The following CDYL2 variants were observed in gnomAD, a reference collection of about 807,000 sequenced individuals.
CDYL2 encodes chromodomain Y-like protein 2.
CDYL2 carries 23 observed loss-of-function variants against 49.4 expected under a neutral mutation model. The observed-to-expected ratio is 0.47, with a 90% confidence interval of 0.34 to 0.66. The LOEUF (loss-of-function observed/expected upper bound fraction) is 0.66, where lower values mean the gene tolerates loss of function less well. CDYL2 is among the 30% of genes least tolerant of loss of function. The probability of loss-of-function intolerance (pLI) is 0.01; values close to 1 mark genes in which losing one functional copy is unlikely to be tolerated. For missense variants in CDYL2, 678 were observed against 656.4 expected (o/e 1.03, Z -0.36); for synonymous variants, 360 against 268.8 (o/e 1.34, Z -3.32).
intron 2 of CDYL2, among the ~76,000 whole-genome samples, chr16:80,673,373 C>T (rs1909611841): frequency 6.6e-6 from 1 of 152,094 alleles, no homozygotes; most frequent in African/African-American, 2.4e-5. Flanking sequence ...TTTAAGTCAA[C>T]TTCAACACTT....
At chr16:80,708,788 C>G (rs1033053039) in intron 1 of CDYL2, among the ~76,000 whole-genome samples, 3 of 151,918 alleles carry the variant, frequency 2.0e-5, no homozygotes, top group African/African-American at 7.3e-5. Context: ...GTACTAGAAG[C>G]TTATTGTGTA....
chr16:80,620,904 T>C lies in CDYL2; in HGVS notation c.866A>G (p.Asn289Ser). ...CAGTTTGCTGTCGTCTGTGGCTGCG[T>C]TGCAGAGCGCTCGCCGGACTTCTTT... is the stretch of plus-strand genomic sequence containing the variant. ...IMKEVRRALCNAATDDSKLLL... is the reference protein window; with the variant it reads ...IMKEVRRALCSAATDDSKLLL... The change falls in exon 4 of 7, where the codon AAC becomes AGC. Residue 289 changes from asparagine (N) to serine (S), a missense_variant. Transcript: ENST00000570137. 1 of 1,608,930 alleles carries C rather than the reference T, an allele frequency of 6.2e-7. No individual in the cohort carries two copies. The highest frequency in any genetic ancestry group is 1.1e-5 in the South Asian group (1 of 90,648).
intron 1 of CDYL2, among the ~76,000 whole-genome samples, chr16:80,761,269 C>A (rs2142383319): frequency 6.6e-6 from 1 of 152,290 alleles, no homozygotes; most frequent in Non-Finnish European, 1.5e-5. Context: ...TACCAGGCAG[C>A]CATCTGGGTT....
chr16:80,733,321 G>T (rs935698605), intron 1 of CDYL2, among the ~76,000 whole-genome samples: 1 of 152,208 alleles, frequency 6.6e-6, no homozygotes, highest in Admixed American at 6.5e-5. Flanking sequence ...GGAGCGGTCA[G>T]GGATGGAATG....
At chr16:80,721,371 G>A (rs1597098445) in intron 1 of CDYL2, among the ~76,000 whole-genome samples, 4 of 152,094 alleles carry the variant, frequency 2.6e-5, no homozygotes, top group Non-Finnish European at 5.9e-5. Flanking sequence ...CACACGCTGG[G>A]GCCTGGATTC....
At chr16:80,799,014 TATATATAGATATATATAG>T (rs1907848232) in intron 1 of CDYL2, among the ~76,000 whole-genome samples, 1 of 151,674 alleles carries the variant, frequency 6.6e-6, no homozygotes, top group Admixed American at 6.6e-5. Flanking sequence ...CTACATTATC[TATATATAGATATATATAG>T]ATATATAGAT....
intron 1 of CDYL2, among the ~76,000 whole-genome samples, chr16:80,687,861 T>C (rs1910261421): frequency 1.3e-5 from 2 of 152,168 alleles, no homozygotes; most frequent in South Asian, 2.1e-4. Flanking sequence ...ACTATGTACG[T>C]TTGCATTCCA....
At chr16:80,745,607 G>A (rs1179705504) in intron 1 of CDYL2, among the ~76,000 whole-genome samples, 2 of 152,194 alleles carry the variant, frequency 1.3e-5, no homozygotes, top group South Asian at 2.1e-4. Flanking sequence ...AACACAGTGA[G>A]TAAACGTCAG....
chr16:80,607,501 G>T (rs1311517177), intron 6 of CDYL2, among the ~76,000 whole-genome samples: 1 of 152,210 alleles, frequency 6.6e-6, no homozygotes, highest in African/African-American at 2.4e-5. Flanking sequence ...CGCAGGAGTG[G>T]CCTTGTCTCC....
intron 1 of CDYL2, among the ~76,000 whole-genome samples, chr16:80,694,605 T>G (rs141802072): frequency 2.0e-5 from 3 of 152,310 alleles, no homozygotes; most frequent in African/African-American, 7.2e-5. Flanking sequence ...TTTACACATA[T>G]AAACATGGAA....
At chr16:80,620,113 C>G (rs769386567) in intron 4 of CDYL2, among the ~76,000 whole-genome samples, 3 of 152,206 alleles carry the variant, frequency 2.0e-5, no homozygotes, top group African/African-American at 7.2e-5. Flanking sequence ...GCTAAACAGC[C>G]GTAGTGTCTA....
intron 1 of CDYL2, among the ~76,000 whole-genome samples, chr16:80,703,748 T>C (rs1904320326): frequency 6.6e-6 from 1 of 152,064 alleles, no homozygotes; most frequent in Admixed American, 6.5e-5. Context: ...CTCCCCTAAG[T>C]CCTGCTGGTT....
intron 1 of CDYL2, among the ~76,000 whole-genome samples, chr16:80,759,051 G>C (rs1028901265): frequency 7.4e-6 from 1 of 135,004 alleles, no homozygotes; most frequent in Non-Finnish European, 1.5e-5. Flanking sequence ...TAAGACATAT[G>C]ACCCCATATG....
chr16:80,723,870 A>G (rs1905081065), intron 1 of CDYL2, among the ~76,000 whole-genome samples: 1 of 151,658 alleles, frequency 6.6e-6, no homozygotes, highest in Admixed American at 6.6e-5. Flanking sequence ...GAGAAAGAGG[A>G]GGAAGAGGAA....
At chr16:80,632,265 A>G (rs902608754) in intron 3 of CDYL2, among the ~76,000 whole-genome samples, 3 of 152,238 alleles carry the variant, frequency 2.0e-5, no homozygotes, top group African/African-American at 7.2e-5. Context: ...ATACACACTA[A>G]AACATGGATG....
intron 2 of CDYL2, among the ~76,000 whole-genome samples, chr16:80,646,487 C>A (rs1421531412): frequency 6.6e-6 from 1 of 151,806 alleles, no homozygotes; most frequent in African/African-American, 2.4e-5. Context: ...GACAGAGTGG[C>A]TGAATTAAAA....
At chr16:80,620,133 C>A (rs765888873) in intron 4 of CDYL2, among the ~76,000 whole-genome samples, 1 of 152,232 alleles carries the variant, frequency 6.6e-6, no homozygotes, top group Non-Finnish European at 1.5e-5. Context: ...AGAAATGACA[C>A]TCACTTGCTT....
intron 1 of CDYL2, among the ~76,000 whole-genome samples, chr16:80,692,722 C>G (rs1305273456): frequency 6.6e-6 from 1 of 151,970 alleles, no homozygotes; most frequent in Non-Finnish European, 1.5e-5. Context: ...TTTTAAATGC[C>G]AAGTTAAGAT....
intron 2 of CDYL2, among the ~76,000 whole-genome samples, chr16:80,664,068 T>G (rs898218264): frequency 9.9e-5 from 15 of 152,158 alleles, no homozygotes; most frequent in Admixed American, 8.5e-4. Flanking sequence ...AAATATTCTG[T>G]AGGGTATCAA....
Sources: allele counts gnomAD v4.1 joint callset (sites outside exome capture counted in the v4.1 genomes callset), GRCh38; gene constraint gnomAD v4.1.1; transcripts MANE v1.5; gene names NCBI Gene and HGNC (gene_info 2026-07-23, HGNC 2026-07-21).